SULF1: variants seen among roughly 807,000 people sequenced by gnomAD.
SULF1 encodes extracellular sulfatase Sulf-1.
Under a neutral mutation model 110.5 loss-of-function variants are expected in SULF1, and 46 were observed. The observed-to-expected ratio is 0.42, with a 90% CI of 0.33 to 0.53. The LOEUF (loss-of-function observed/expected upper bound fraction) is 0.53, where lower values mean the gene tolerates loss of function less well. SULF1 is among the 20% of genes least tolerant of loss of function. The probability of loss-of-function intolerance (pLI) is 0.12; values close to 1 mark genes in which losing one functional copy is unlikely to be tolerated. For synonymous variants in SULF1, 371 were observed against 387.1 expected, an observed-to-expected ratio of 0.96 and a Z score of 0.49; for missense variants, 941 against 1,094.2, an observed-to-expected ratio of 0.86 and a Z score of 1.98.
At chr8:69,491,872 G>T (rs747366372), upstream of SULF1, among the ~76,000 whole-genome samples, 3 of 152,162 alleles carry the variant, frequency 2.0e-5, no homozygotes, top group Non-Finnish European at 4.4e-5. Flanking sequence ...CAGAGAAACA[G>T]AGTCACACGG....
At chr8:69,472,396 A>T (rs1437200887) in intron 1 of SULF1, among the ~76,000 whole-genome samples, 2 of 152,258 alleles carry the variant, frequency 1.3e-5, no homozygotes, top group Non-Finnish European at 2.9e-5. Context: ...AAATTTAACA[A>T]AAAAGCTGAA....
chr8:69,575,932 T>C lies in SULF1; in HGVS notation c.173-38T>C, dbSNP rs771347840. 3.7e-6 allele frequency: 6 copies of C among 1,605,176 alleles called. No individual in the cohort carries two copies. In the South Asian group the frequency reaches 6.7e-5, roughly 18 times the overall value. ...ACAATCGAAATAGGCATTCATGTGC[T>C]GCACTTTGCTAAACAATGCTGGCAC... On this transcript the variant is annotated intron_variant, in intron 5 of 22. Coordinates refer to ENST00000402687, the MANE Select transcript of SULF1 (RefSeq NM_001128205.2).
chr8:69,559,938 A>G lies in SULF1; in HGVS notation c.-133-3601A>G, dbSNP rs114868387. Among the ~76,000 whole-genome samples the G allele has an allele frequency of 3.3e-3, 496 of 152,292 alleles. 1 individual carries two copies. Among genetic ancestry groups the G allele is most frequent in the African/African-American group, 0.011 (464 of 41,560 alleles). ...TTTTACTATATGTGAAGCTTCTATC[A>G]TTCATGCTAAGACAAAAGCGGAAAG... is the stretch of plus-strand genomic sequence containing the variant. On this transcript the variant is annotated intron_variant, in intron 3 of 22. Coordinates refer to ENST00000402687, the MANE Select transcript of SULF1 (RefSeq NM_001128205.2).
At chr8:69,494,804 T>C (rs563293472) in intron 1 of SULF1, among the ~76,000 whole-genome samples, 2 of 150,434 alleles carry the variant, frequency 1.3e-5, no homozygotes, top group East Asian at 3.9e-4. Flanking sequence ...CGCTTGAGCC[T>C]AGAAGGTGGA....
chr8:69,603,258 A>C lies in SULF1; in HGVS notation c.1128A>C (p.Thr376=). ...PTILDIAGLD[T]PPDVDGKSVL... The stretch of plus-strand genomic sequence containing the variant: ...TCCTGGATATTGCTGGGCTCGACAC[A>C]CCTCCTGATGTGGACGGCAAGTCTG... Residue 376 remains threonine (T), a synonymous_variant, in exon 11 of 23, where the codon ACA becomes ACC. Transcript: ENST00000402687. The C allele has an allele frequency of 6.2e-7, 1 of 1,614,006 alleles. No homozygotes were observed. The highest frequency in any genetic ancestry group is 8.5e-7 in the Non-Finnish European group (1 of 1,179,978).
chr8:69,627,136 T>A, intron 15 of SULF1, 74 bp from the exon 16 acceptor site: 1 of 1,157,582 alleles, frequency 8.6e-7, no homozygotes, highest in Non-Finnish European at 1.3e-6. Context: ...GATTAAAATT[T>A]CTCTTTGTTA....
At chr8:69,544,808 T>A (rs76095583) in intron 3 of SULF1, among the ~76,000 whole-genome samples, 1,992 of 152,078 alleles carry the variant, frequency 0.013, 50 homozygotes, top group African/African-American at 0.044. Flanking sequence ...TGTATCCAAC[T>A]TACAATTTTA....
chr8:69,515,191 G>C (rs560360920), intron 3 of SULF1, among the ~76,000 whole-genome samples: 1 of 152,086 alleles, frequency 6.6e-6, no homozygotes, highest in African/African-American at 2.4e-5. Flanking sequence ...CACTCCTGCA[G>C]CAGACTTCTG....
At chr8:69,503,053 A>C (rs1427428409) in intron 3 of SULF1, among the ~76,000 whole-genome samples, 1 of 152,106 alleles carries the variant, frequency 6.6e-6, no homozygotes, top group Non-Finnish European at 1.5e-5. Context: ...GTAATCACCA[A>C]AACTTTCATG....
chr8:69,511,383 G>T (rs567144637), intron 3 of SULF1, among the ~76,000 whole-genome samples: 13 of 152,150 alleles, frequency 8.5e-5, no homozygotes, highest in African/African-American at 3.1e-4. Flanking sequence ...CCGATAAAAA[G>T]ATCCTCCTGA....
At chr8:69,580,971 C>T (rs1349027099) in intron 6 of SULF1, among the ~76,000 whole-genome samples, 1 of 152,004 alleles carries the variant, frequency 6.6e-6, no homozygotes, top group Non-Finnish European at 1.5e-5. Flanking sequence ...TAAAGTAAGA[C>T]AAACTAATAT....
upstream of SULF1, among the ~76,000 whole-genome samples, chr8:69,488,949 G>A (rs1490338960): frequency 1.3e-5 from 2 of 152,098 alleles, no homozygotes; most frequent in Non-Finnish European, 1.5e-5. Context: ...GGGCTGGTAA[G>A]GAAGTAAAAC....
intron 3 of SULF1, among the ~76,000 whole-genome samples, chr8:69,527,524 C>T (rs747701294): frequency 6.6e-6 from 1 of 151,994 alleles, no homozygotes; most frequent in African/African-American, 2.4e-5. Context: ...GTGGTGTCAG[C>T]GGGGGATTCC....
rs2078215614 is a variant in SULF1 at position 69,553,477 on chromosome 8, A to G, written c.-133-10062A>G. Among the ~76,000 whole-genome samples, 2 of 152,212 alleles carry G rather than the reference A, an allele frequency of 1.3e-5. 1 individual carries two copies. Among genetic ancestry groups the G allele is most frequent in the South Asian group, 4.1e-4 (2 of 4,828 alleles). On this transcript the variant is annotated intron_variant, in intron 3 of 22. Coordinates refer to ENST00000402687, the MANE Select transcript of SULF1 (RefSeq NM_001128205.2). Reference sequence around the variant, plus strand: ...TCAGTAAACTTTAGGAGCCCTGGTAAACTTTGCAGGCAGCCAGACTTAGTA... The same window carrying G: ...TCAGTAAACTTTAGGAGCCCTGGTAGACTTTGCAGGCAGCCAGACTTAGTA...
chr8:69,505,392 C>T (rs897304999), intron 3 of SULF1, among the ~76,000 whole-genome samples: 3 of 152,226 alleles, frequency 2.0e-5, no homozygotes, highest in African/African-American at 2.4e-5. Flanking sequence ...AGGTTTGGTG[C>T]GCACAGATGG....
intron 2 of SULF1, among the ~76,000 whole-genome samples, chr8:69,496,418 T>A (rs549471948): frequency 5.2e-4 from 79 of 152,374 alleles, no homozygotes; most frequent in African/African-American, 1.9e-3. Flanking sequence ...GAAATCATCT[T>A]TGACTTTTGA....
At chr8:69,508,463 A>T (rs1256327920) in intron 3 of SULF1, among the ~76,000 whole-genome samples, 1 of 152,224 alleles carries the variant, frequency 6.6e-6, no homozygotes, top group African/African-American at 2.4e-5. Context: ...TGTCAGCACC[A>T]TCAGAAGTTC....
At chr8:69,550,690 G>A (rs1051499413) in intron 3 of SULF1, among the ~76,000 whole-genome samples, 2 of 152,182 alleles carry the variant, frequency 1.3e-5, no homozygotes, top group Admixed American at 6.5e-5. Context: ...CTGAAGTCAG[G>A]CAACTGGAAA....
At chr8:69,532,516 T>A (rs926751163) in intron 3 of SULF1, among the ~76,000 whole-genome samples, 45 of 152,290 alleles carry the variant, frequency 3.0e-4, no homozygotes, top group African/African-American at 1.0e-3. Flanking sequence ...GTTAGAAAGG[T>A]CTGCTCAAAC....
Sources: gnomAD v4.1 joint callset for allele counts (sites outside exome capture counted in the v4.1 genomes callset) on GRCh38, gnomAD v4.1.1 for gene constraint, MANE v1.5 for transcripts, NCBI Gene and HGNC (gene_info 2026-07-23, HGNC 2026-07-21) for gene names.